Variants in ANKMY2 observed in about 807,000 individuals in gnomAD.
ANKMY2 encodes the protein ankyrin repeat and MYND domain-containing protein 2.
In ANKMY2, 36 loss-of-function variants were observed where a neutral mutation model predicts 50.4. The ratio of observed to expected loss-of-function variants is 0.71; its 90% CI spans 0.55 to 0.94. The LOEUF is 0.94. Among genes scored for constraint, ANKMY2 ranks in the 40% least tolerant of loss-of-function variants. ANKMY2 has a pLI of 0.00. For synonymous variants in ANKMY2, 187 were observed against 178.8 expected (o/e 1.05, Z -0.36); for missense variants, 565 against 524.0 (o/e 1.08, Z -0.76).
chr7:16,615,953 A>C (rs778866754), intron 4 of ANKMY2, 49 bp from the exon 5 acceptor site: 5 of 1,521,582 alleles, frequency 3.3e-6, no homozygotes, highest in Non-Finnish European at 4.4e-6. Context: ...TAAAAATAAC[A>C]CATCTGGTTT....
intron 1 of ANKMY2, chr7:16,644,826 A>G (rs754725428): frequency 2.4e-5 from 10 of 421,824 alleles, no homozygotes; most frequent in Non-Finnish European, 3.9e-5. Context: ...GGGGGAGTGG[A>G]CAAGAAAGCG....
chr7:16,640,581 G>A (rs546492033), intron 1 of ANKMY2, among the ~76,000 whole-genome samples: 1 of 152,136 alleles, frequency 6.6e-6, no homozygotes, highest in African/African-American at 2.4e-5. Flanking sequence ...GAGTGCAGTG[G>A]CATGATCATG....
chr7:16,629,678 GA>G (rs993225406), intron 2 of ANKMY2, among the ~76,000 whole-genome samples: 1 of 151,796 alleles, frequency 6.6e-6, no homozygotes, highest in African/African-American at 2.4e-5. Flanking sequence ...CTGGGTATTA[GA>G]AAAAAAACTA....
intron 3 of ANKMY2, among the ~76,000 whole-genome samples, chr7:16,626,227 G>A (rs549574176): frequency 6.6e-6 from 1 of 152,042 alleles, no homozygotes; most frequent in African/African-American, 2.4e-5. Context: ...CAATCAGCCC[G>A]CCTTGGCCTC....
chr7:16,610,863 G>T, intron 5 of ANKMY2, 100 bp from the exon 6 acceptor site: 1 of 1,008,526 alleles, frequency 9.9e-7, no homozygotes, highest in Non-Finnish European at 1.4e-6. Context: ...ACCAAAGAAA[G>T]CCTTCCTTAG....
intron 9 of ANKMY2, among the ~76,000 whole-genome samples, chr7:16,601,256 G>A (rs1022856069): frequency 5.3e-5 from 8 of 152,200 alleles, no homozygotes; most frequent in African/African-American, 1.9e-4. Flanking sequence ...GCTTTTCTGT[G>A]AATTTATTTG....
intron 5 of ANKMY2, 90 bp downstream of exon 5, chr7:16,615,654 C>T (rs1781332681): frequency 6.5e-7 from 1 of 1,538,112 alleles, no homozygotes; most frequent in Non-Finnish European, 8.8e-7. Context: ...AAAACCCACC[C>T]CAAGACAATT....
At chr7:16,627,333 T>A (rs1781520602) in intron 2 of ANKMY2, among the ~76,000 whole-genome samples, 155 bp from the exon 3 acceptor site, 1 of 152,236 alleles carries the variant, frequency 6.6e-6, no homozygotes, top group Non-Finnish European at 1.5e-5. Flanking sequence ...ACTTTGATCT[T>A]CCATAAACTT....
chr7:16,644,824 G>A (rs753419439), intron 1 of ANKMY2: 2 of 422,316 alleles, frequency 4.7e-6, no homozygotes, highest in Admixed American at 5.8e-5. Context: ...TTGGGGGAGT[G>A]GACAAGAAAG....
At chr7:16,604,607 T>G in intron 8 of ANKMY2, 114 bp downstream of exon 8, 1 of 1,359,102 alleles carries the variant, frequency 7.4e-7, no homozygotes, top group Non-Finnish European at 9.9e-7. Flanking sequence ...ATATTTTCGT[T>G]ACTAGAATTT....
intron 2 of ANKMY2, among the ~76,000 whole-genome samples, chr7:16,635,468 A>G (rs1781645527): frequency 6.6e-6 from 1 of 152,194 alleles, no homozygotes; most frequent in Admixed American, 6.5e-5. Context: ...TGTCAAGCTT[A>G]ACAAATTTTA....
intron 7 of ANKMY2, among the ~76,000 whole-genome samples, chr7:16,606,676 C>G (rs1055434007): frequency 6.6e-6 from 1 of 152,138 alleles, no homozygotes; most frequent in African/African-American, 2.4e-5. Flanking sequence ...ATCTTACCAA[C>G]TGTACATAAT....
At chr7:16,601,029 C>T (rs1781052525) in intron 9 of ANKMY2, 84 bp from the exon 10 acceptor site, 1 of 1,079,630 alleles carries the variant, frequency 9.3e-7, no homozygotes, top group Non-Finnish European at 1.3e-6. Context: ...ATTTAATCTT[C>T]CTATCAACTA....
chr7:16,610,723 T>G lies in ANKMY2; in HGVS notation c.572A>C (p.Glu191Ala), dbSNP rs79501012. Reference sequence around the variant, plus strand: ...TCTGTAGCATTTATTCAGGGCTGCTTCTTCTGTCAGCAGAGGATTCTCATT... The same window carrying G: ...TCTGTAGCATTTATTCAGGGCTGCTGCTTCTGTCAGCAGAGGATTCTCATT... ...LVNENPLLTE[E>A]AALNKCYRVM... Residue 191 changes from glutamate to alanine, a missense_variant, in exon 6 of 10, where the codon GAA becomes GCA. Transcript: ENST00000306999. 7.6e-4 allele frequency: 1,227 copies of G among 1,613,988 alleles called. 9 individuals carry two copies. The African/African-American group carries it at 0.014, about 18-fold the overall frequency.
intron 5 of ANKMY2, among the ~76,000 whole-genome samples, chr7:16,612,935 G>T (rs566532553): frequency 1.2e-4 from 19 of 152,202 alleles, no homozygotes; most frequent in African/African-American, 4.3e-4. Flanking sequence ...TCAAAGGATT[G>T]CTACCTGAGA....
intron 1 of ANKMY2, among the ~76,000 whole-genome samples, chr7:16,641,924 G>C (rs1341982412): frequency 6.6e-6 from 1 of 152,058 alleles, no homozygotes; most frequent in Non-Finnish European, 1.5e-5. Flanking sequence ...ATCACAAAGA[G>C]GCATAAGGAC....
At chr7:16,608,028 C>A (rs1468198751) in intron 7 of ANKMY2, among the ~76,000 whole-genome samples, 1 of 152,088 alleles carries the variant, frequency 6.6e-6, no homozygotes, top group East Asian at 1.9e-4. Flanking sequence ...GGAGGAGGAA[C>A]ATCAAATGCC....
intron 2 of ANKMY2, among the ~76,000 whole-genome samples, chr7:16,635,862 T>C (rs1023071356): frequency 3.3e-5 from 5 of 152,192 alleles, no homozygotes; most frequent in Non-Finnish European, 7.4e-5. Context: ...AGAAATAATA[T>C]GATTTTGACT....
chr7:16,639,679 G>A (rs1293727210), intron 1 of ANKMY2, among the ~76,000 whole-genome samples: 2 of 152,162 alleles, frequency 1.3e-5, no homozygotes, highest in Non-Finnish European at 2.9e-5. Flanking sequence ...CTACTCAGGA[G>A]GCTGAGGTGG....
Sources: allele counts gnomAD v4.1 joint callset (sites outside exome capture counted in the v4.1 genomes callset), GRCh38; gene constraint gnomAD v4.1.1; transcripts MANE v1.5; gene names NCBI Gene and HGNC (gene_info 2026-07-23, HGNC 2026-07-21).